The following INPP4A variants were observed in gnomAD, a reference collection of about 807,000 sequenced individuals.
INPP4A encodes the protein inositol polyphosphate-4-phosphatase type I A, also known as inositol polyphosphate-4-phosphatase, type I, 107kD.
Under a neutral mutation model 119.8 loss-of-function variants are expected in INPP4A, and 33 were observed. The ratio of observed to expected loss-of-function variants is 0.28; its 90% confidence interval spans 0.21 to 0.37. The LOEUF (loss-of-function observed/expected upper bound fraction) is 0.37, where lower values mean the gene tolerates loss of function less well. Among genes scored for constraint, INPP4A ranks in the 10% least tolerant of loss-of-function variants. The probability of loss-of-function intolerance (pLI) is 1.00; values close to 1 mark genes in which losing one functional copy is unlikely to be tolerated. For missense variants in INPP4A, 956 were observed against 1,289.9 expected (o/e 0.74, Z 3.97); for synonymous variants, 496 against 500.7 (o/e 0.99, Z 0.12).
chr2:98,576,475 C>T lies in INPP4A; in HGVS notation c.2632-514C>T, dbSNP rs531067259. Among the ~76,000 whole-genome samples, 6 of 152,286 alleles carry T rather than the reference C, an allele frequency of 3.9e-5. No individual in the cohort carries two copies. In the East Asian group the frequency reaches 1.2e-3, roughly 29 times the overall value. On this transcript the variant is annotated intron_variant, in intron 23 of 24. Coordinates refer to ENST00000409851, the MANE Select transcript of INPP4A (RefSeq NM_001134225.2). ...AAAGGGCAGTGCAACTTCTGAGCTGCTCCCGTCTGTTCAGGTGAAAGAGGA... is the reference window on the plus strand; with the variant it reads ...AAAGGGCAGTGCAACTTCTGAGCTGTTCCCGTCTGTTCAGGTGAAAGAGGA...
intron 1 of INPP4A, among the ~76,000 whole-genome samples, chr2:98,505,511 C>A (rs1311401806): frequency 6.6e-6 from 1 of 152,208 alleles, no homozygotes; most frequent in Non-Finnish European, 1.5e-5. Flanking sequence ...TATTCTTGAA[C>A]TGTGAGGTGT....
At chr2:98,535,581 G>GT in intron 5 of INPP4A, 148 bp from the exon 6 acceptor site, 2 of 580,058 alleles carry the variant, frequency 3.4e-6, no homozygotes, top group South Asian at 4.4e-5. Context: ...TTTGTTTTAT[G>GT]TATTTATTTA....
chr2:98,522,582 A>G (rs1687424600), intron 4 of INPP4A, among the ~76,000 whole-genome samples: 1 of 152,126 alleles, frequency 6.6e-6, no homozygotes, highest in Admixed American at 6.5e-5. Flanking sequence ...AGAAGAAAAA[A>G]CAGAAGAGAA....
intron 1 of INPP4A, among the ~76,000 whole-genome samples, chr2:98,515,007 C>G (rs532671737): frequency 6.6e-6 from 1 of 152,138 alleles, no homozygotes; most frequent in South Asian, 2.1e-4. Context: ...CAGAGGTTCC[C>G]GGAGAGTGGC....
intron 8 of INPP4A, 149 bp downstream of exon 8, chr2:98,538,123 T>A: frequency 1.7e-6 from 1 of 589,108 alleles, no homozygotes; most frequent in Middle Eastern, 4.6e-4. Context: ...CGGTCCTCCT[T>A]AGGCACACCT....
chr2:98,552,849 C>T lies in INPP4A; in HGVS notation c.1227C>T (p.Ile409=). The T allele has an allele frequency of 6.2e-7, 1 of 1,613,792 alleles. No homozygotes were observed. The highest frequency in any genetic ancestry group is 8.5e-7 in the Non-Finnish European group (1 of 1,179,758). Residue 409 remains isoleucine, a synonymous_variant, in exon 14 of 25, where the codon ATC becomes ATT. Coordinates refer to ENST00000409851, the MANE Select transcript of INPP4A (RefSeq NM_001134225.2). ...AGGATGTTGTCAGAGCCAAGGAGAT[C>T]ATCGCCCAGATCAACACCCTGAAAA... ...IPQDVVRAKE[I]IAQINTLKTQ...
At chr2:98,561,332 A>G (rs1695431784) in intron 17 of INPP4A, among the ~76,000 whole-genome samples, 1 of 152,222 alleles carries the variant, frequency 6.6e-6, no homozygotes, top group Non-Finnish European at 1.5e-5. Context: ...TGAAGGAGGC[A>G]GAGTATAAAC....
rs772970541 is a variant in INPP4A, at chr2:98,554,394, G to A, written c.1471G>A (p.Val491Met). 5 of 1,613,922 alleles carry A rather than the reference G, an allele frequency of 3.1e-6. No individual in the cohort carries two copies. Among genetic ancestry groups the A allele is most frequent in the Non-Finnish European group, 4.2e-6 (5 of 1,179,874 alleles). Residue 491 changes from valine to methionine, a missense_variant, in exon 15 of 25, where the codon GTG becomes ATG. This residue lies in a region of INPP4A where 652 missense variants were observed against 797.9 expected (regional missense o/e 0.82). Transcript: ENST00000409851. The surrounding 1 kb of genome is among the most constrained non-coding windows in gnomAD (Gnocchi z 4.7). Reference protein sequence around the residue: ...ASPTSTEEEQVMLRNDQDTLM... With the variant: ...ASPTSTEEEQMMLRNDQDTLM... ...TCCCACTTCGACTGAGGAGGAGCAG[G>A]TGATGCTTAGAAATGACCAGGACAC...
intron 1 of INPP4A, among the ~76,000 whole-genome samples, chr2:98,516,336 C>A (rs1195815044): frequency 6.6e-6 from 1 of 152,160 alleles, no homozygotes; most frequent in Non-Finnish European, 1.5e-5. Flanking sequence ...GACCTGTGAA[C>A]TCTCTCAAGT....
intron 17 of INPP4A, among the ~76,000 whole-genome samples, chr2:98,562,809 T>C (rs1217815891): frequency 6.9e-6 from 1 of 144,684 alleles, no homozygotes; most frequent in Non-Finnish European, 1.5e-5. Flanking sequence ...AGTTTCCCTA[T>C]ATTCCTAAAA....
chr2:98,556,659 G>T (rs1452343311), intron 16 of INPP4A, among the ~76,000 whole-genome samples: 1 of 152,232 alleles, frequency 6.6e-6, no homozygotes, highest in African/African-American at 2.4e-5. Flanking sequence ...GATGTGCTGG[G>T]ATTAAGCTTC....
chr2:98,537,158 GA>G (rs1185979715), intron 7 of INPP4A, among the ~76,000 whole-genome samples: 1 of 152,220 alleles, frequency 6.6e-6, no homozygotes, highest in African/African-American at 2.4e-5. Flanking sequence ...ACAGGGCAAG[GA>G]AATCACAAAG....
At chr2:98,573,122 A>C (rs1575145785) in intron 23 of INPP4A, among the ~76,000 whole-genome samples, 195 bp downstream of exon 23, 1 of 152,172 alleles carries the variant, frequency 6.6e-6, no homozygotes, top group African/African-American at 2.4e-5. Context: ...GGGCTGCCTG[A>C]ATTCTGATAA....
chr2:98,518,266 G>A (rs375068399), intron 1 of INPP4A, among the ~76,000 whole-genome samples: 6 of 152,242 alleles, frequency 3.9e-5, no homozygotes, highest in Admixed American at 1.3e-4. Flanking sequence ...GGCCACTGCC[G>A]TGTCTGCAGA....
intron 1 of INPP4A, among the ~76,000 whole-genome samples, chr2:98,464,214 G>A (rs1422858024): frequency 6.6e-6 from 1 of 152,144 alleles, no homozygotes; most frequent in Admixed American, 6.5e-5. Flanking sequence ...ACAGCCCTGA[G>A]TCTCGAACAA....
rs181719600 is a variant in INPP4A at position 98,512,951 on chromosome 2, G to A, written c.-165-6013G>A. Among the ~76,000 whole-genome samples the A allele has an allele frequency of 2.2e-3, 336 of 152,032 alleles. 1 individual carries two copies. Among genetic ancestry groups the A allele is most frequent in the South Asian group, 5.2e-3 (25 of 4,816 alleles). ...CTGGGCCTTTGAGGCAGCATTTTTTGTTTTTGTATTTTATGCTAGAGAAGC... is the reference window on the plus strand; with the variant it reads ...CTGGGCCTTTGAGGCAGCATTTTTTATTTTTGTATTTTATGCTAGAGAAGC... On this transcript the variant is annotated intron_variant, in intron 1 of 24. Transcript: ENST00000409851.
intron 1 of INPP4A, among the ~76,000 whole-genome samples, chr2:98,460,590 G>A (rs1696974417): frequency 6.6e-6 from 1 of 152,172 alleles, no homozygotes; most frequent in African/African-American, 2.4e-5. Context: ...ACCCTTTCTT[G>A]GATCATAGTA....
chr2:98,504,942 T>A (rs1274748257), intron 1 of INPP4A, among the ~76,000 whole-genome samples: 1 of 152,194 alleles, frequency 6.6e-6, no homozygotes, highest in Admixed American at 6.5e-5. Flanking sequence ...GCAAGGGGGA[T>A]CTACAGCTTT....
intron 1 of INPP4A, among the ~76,000 whole-genome samples, chr2:98,501,082 C>T (rs546210376): frequency 5.3e-5 from 8 of 152,274 alleles, no homozygotes; most frequent in South Asian, 2.1e-4. Context: ...TTTGGGAGGC[C>T]GGGGCAGGCG....
Sources: gnomAD v4.1 joint callset for allele counts (sites outside exome capture counted in the v4.1 genomes callset) on GRCh38, gnomAD v4.1.1 for gene constraint, gnomAD v4.1.1 regional missense constraint, Gnocchi (gnomAD v3.1) non-coding constraint, MANE v1.5 for transcripts, NCBI Gene and HGNC (gene_info 2026-07-23, HGNC 2026-07-21) for gene names.